The following NPAS3 variants were observed in gnomAD, a reference collection of about 807,000 sequenced individuals.
The protein encoded by NPAS3 is neuronal PAS domain protein 3, also known as neuronal PAS domain-containing protein 3.
A neutral mutation model predicts 73.1 loss-of-function variants in NPAS3; 14 were observed. The ratio of observed to expected loss-of-function variants is 0.19; its 90% CI spans 0.13 to 0.30. The LOEUF (loss-of-function observed/expected upper bound fraction) is 0.30. Ranked by LOEUF, NPAS3 falls within the 10% of genes least tolerant of loss-of-function variation. The pLI is 1.00. For missense variants in NPAS3, 1,096 were observed against 1,250.0 expected (o/e 0.88, Z 1.86); for synonymous variants, 620 against 541.5 (o/e 1.14, Z -2.01).
chr14:33,155,664 G>A (rs2139272979), intron 2 of NPAS3, among the ~76,000 whole-genome samples: 1 of 152,316 alleles, frequency 6.6e-6, no homozygotes, highest in African/African-American at 2.4e-5. Flanking sequence ...AGCTATGGAA[G>A]AGGTTTCTTC....
At chr14:33,612,686 TA>T (rs1260950241) in intron 5 of NPAS3, 1 of 348,602 alleles carries the variant, frequency 2.9e-6, no homozygotes, top group Non-Finnish European at 5.7e-6. Context: ...GAGCAAACTT[TA>T]CATTTGTGAA....
chr14:33,754,712 C>A (rs1464289961), intron 7 of NPAS3, among the ~76,000 whole-genome samples: 1 of 152,070 alleles, frequency 6.6e-6, no homozygotes, highest in Non-Finnish European at 1.5e-5. Context: ...GAACAAATAC[C>A]ACAAAATCTT....
chr14:33,689,750 G>A (rs950740990), intron 6 of NPAS3, among the ~76,000 whole-genome samples: 6 of 152,078 alleles, frequency 3.9e-5, no homozygotes, highest in East Asian at 1.9e-4. Flanking sequence ...GCAGATTCAC[G>A]TTTTTTGTAT....
At chr14:33,344,733 G>GA (rs1310321764) in intron 3 of NPAS3, among the ~76,000 whole-genome samples, 1 of 152,094 alleles carries the variant, frequency 6.6e-6, no homozygotes, top group East Asian at 1.9e-4. Context: ...CTTTATCATT[G>GA]AAAAAATTTA....
rs1445048450 is a variant in NPAS3, at chr14:33,628,408, G to A, written c.559-47803G>A. 2.0e-5 allele frequency among the ~76,000 whole-genome samples: 3 copies of A among 152,162 alleles called. No homozygotes were observed. In the East Asian group the frequency reaches 5.8e-4, roughly 29 times the overall value. ...AGTCAATGAAGAAGGTAGCATTTGG[G>A]GGCTTCAGGGAGTACAAAGATAATT... is the stretch of plus-strand genomic sequence containing the variant. On this transcript the variant is annotated intron_variant, in intron 5 of 11. Transcript: ENST00000356141.
At chr14:33,066,404 T>C (rs951241771) in intron 2 of NPAS3, among the ~76,000 whole-genome samples, 2 of 152,232 alleles carry the variant, frequency 1.3e-5, no homozygotes, top group South Asian at 4.1e-4. Context: ...CCAGAGGTAG[T>C]AACAATTTAT....
At chr14:33,697,251 T>TATCA (rs1310936556) in intron 6 of NPAS3, among the ~76,000 whole-genome samples, 23 of 152,186 alleles carry the variant, frequency 1.5e-4, no homozygotes, top group African/African-American at 5.5e-4. Flanking sequence ...TACCTATGTC[T>TATCA]ATCAGACAGC....
intron 4 of NPAS3, among the ~76,000 whole-genome samples, chr14:33,553,824 CTTT>C (rs998741340): frequency 6.6e-6 from 1 of 152,158 alleles, no homozygotes; most frequent in Admixed American, 6.5e-5. Flanking sequence ...ATTTGTGAAT[CTTT>C]TTCTTCCCCG....
chr14:33,680,855 A>G (rs567552601), intron 6 of NPAS3: 1 of 520,850 alleles, frequency 1.9e-6, no homozygotes, highest in African/African-American at 1.9e-5. Context: ...TGTGTAAAGT[A>G]TGGGTTATCA....
At chr14:33,476,761 G>A (rs2051055294) in intron 4 of NPAS3, among the ~76,000 whole-genome samples, 1 of 152,082 alleles carries the variant, frequency 6.6e-6, no homozygotes. Flanking sequence ...CCTTTACCTT[G>A]TGGGGTATTT....
At chr14:33,724,749 CAA>C (rs56302116) in intron 6 of NPAS3, among the ~76,000 whole-genome samples, 2 of 134,568 alleles carry the variant, frequency 1.5e-5, no homozygotes, top group African/African-American at 2.7e-5. Context: ...TGTTTTCTCT[CAA>C]AAAAAAAAAA....
chr14:33,080,087 AG>A (rs1299485059), intron 2 of NPAS3, among the ~76,000 whole-genome samples: 1 of 152,088 alleles, frequency 6.6e-6, no homozygotes, highest in Non-Finnish European at 1.5e-5. Flanking sequence ...ATGGACATAT[AG>A]TCCAATCTGA....
At chr14:33,381,295 T>C (rs1199504617) in intron 4 of NPAS3, among the ~76,000 whole-genome samples, 2 of 152,220 alleles carry the variant, frequency 1.3e-5, no homozygotes, top group East Asian at 1.9e-4. Context: ...GTTACGTCTT[T>C]CTAAATATAA....
intron 1 of NPAS3, among the ~76,000 whole-genome samples, chr14:32,999,110 T>C (rs993024869): frequency 2.6e-5 from 4 of 152,224 alleles, no homozygotes; most frequent in African/African-American, 7.2e-5. Flanking sequence ...AATTTTTGCT[T>C]CTTTAATTTC....
At chr14:33,319,151 T>C (rs2043332740) in intron 3 of NPAS3, among the ~76,000 whole-genome samples, 1 of 152,036 alleles carries the variant, frequency 6.6e-6, no homozygotes, top group African/African-American at 2.4e-5. Flanking sequence ...GTCTTTTTCA[T>C]AATAGAGGTC....
intron 3 of NPAS3, among the ~76,000 whole-genome samples, chr14:33,313,800 T>C (rs939940494): frequency 1.3e-5 from 2 of 152,106 alleles, no homozygotes; most frequent in African/African-American, 4.8e-5. Context: ...CATGTTCACT[T>C]TGGGATTTCG....
intron 5 of NPAS3, among the ~76,000 whole-genome samples, chr14:33,666,175 A>T (rs574878918): frequency 6.6e-6 from 1 of 152,230 alleles, no homozygotes; most frequent in East Asian, 1.9e-4. Flanking sequence ...TCAATCAATC[A>T]CTTAGTGTTA....
chr14:33,168,710 C>T (rs998863592), intron 2 of NPAS3, among the ~76,000 whole-genome samples: 2 of 152,136 alleles, frequency 1.3e-5, no homozygotes, highest in African/African-American at 2.4e-5. Context: ...TCTCTACTAG[C>T]TTCCTTTTTC....
intron 4 of NPAS3, among the ~76,000 whole-genome samples, chr14:33,541,615 G>C (rs557701084): frequency 2.0e-5 from 3 of 152,300 alleles, no homozygotes; most frequent in African/African-American, 7.2e-5. Flanking sequence ...TGGCTCAGTG[G>C]CTGTCTCTAA....
Sources: gnomAD v4.1 joint callset for allele counts (sites outside exome capture counted in the v4.1 genomes callset) on GRCh38, gnomAD v4.1.1 for gene constraint, MANE v1.5 for transcripts, NCBI Gene and HGNC (gene_info 2026-07-23, HGNC 2026-07-21) for gene names.